The following STIM1 variants were observed in gnomAD, a reference collection of about 807,000 sequenced individuals.
STIM1 encodes stromal interaction molecule 1.
Under a neutral mutation model 74.7 loss-of-function variants are expected in STIM1, and 25 were observed. The ratio of observed to expected loss-of-function variants is 0.33; its 90% CI spans 0.24 to 0.47. The LOEUF (loss-of-function observed/expected upper bound fraction) is 0.47, where lower values mean the gene tolerates loss of function less well. Among genes scored for constraint, STIM1 ranks in the 20% least tolerant of loss-of-function variants. The pLI, the probability that STIM1 is intolerant of heterozygous loss-of-function variation, is 1.00. For missense variants in STIM1, 728 were observed against 920.8 expected (o/e 0.79, Z 2.71); for synonymous variants, 328 against 348.8 (o/e 0.94, Z 0.66).
intron 1 of STIM1, among the ~76,000 whole-genome samples, chr11:3,945,610 T>A (rs565984050): frequency 3.1e-4 from 47 of 152,008 alleles, no homozygotes; most frequent in African/African-American, 1.1e-3. Flanking sequence ...AAAAAAATAA[T>A]GTTGTGTATT....
intron 1 of STIM1, among the ~76,000 whole-genome samples, chr11:3,962,483 A>G (rs2093297897): frequency 6.6e-6 from 1 of 151,908 alleles, no homozygotes; most frequent in Admixed American, 6.6e-5. Context: ...GTGTATAAAA[A>G]TAATATTTTC....
At chr11:3,893,009 A>G (rs2091945780) in intron 1 of STIM1, 2 of 634,030 alleles carry the variant, frequency 3.2e-6, no homozygotes, top group African/African-American at 1.8e-5. Context: ...AGCTCAAGCA[A>G]TCCACCCACT....
rs566717110 is a variant in STIM1 at position 3,876,833 on chromosome 11, C to T, written c.139+20424C>T. Among the ~76,000 whole-genome samples the T allele has an allele frequency of 2.0e-4, 30 of 152,300 alleles. No individual in the cohort carries two copies. The South Asian group carries it at 5.0e-3, about 25-fold the overall frequency. On this transcript the variant is annotated intron_variant, in intron 1 of 12. Transcript: ENST00000526596. ...ATGAAAACCCCATAAAGATAGGGTT[C>T]TTGTCTGTCTCATGCACTGTTATGT...
chr11:3,878,389 A>G (rs2091375627), intron 1 of STIM1, among the ~76,000 whole-genome samples: 1 of 152,214 alleles, frequency 6.6e-6, no homozygotes, highest in Admixed American at 6.5e-5. Context: ...CAACTTACCC[A>G]AGGTCACAAA....
At chr11:3,913,216 G>A (rs957722916) in intron 1 of STIM1, among the ~76,000 whole-genome samples, 5 of 151,894 alleles carry the variant, frequency 3.3e-5, no homozygotes, top group African/African-American at 1.2e-4. Flanking sequence ...TTAGGACAGG[G>A]TCTTGCTGTC....
chr11:4,047,033 GT>G (rs1427864827), intron 3 of STIM1, among the ~76,000 whole-genome samples: 1 of 152,148 alleles, frequency 6.6e-6, no homozygotes, highest in Non-Finnish European at 1.5e-5. Context: ...TTTTGTTGTT[GT>G]TGTTTTGAGG....
intron 2 of STIM1, among the ~76,000 whole-genome samples, chr11:4,005,694 C>G (rs1324800486): frequency 6.6e-6 from 1 of 152,002 alleles, no homozygotes; most frequent in Non-Finnish European, 1.5e-5. Flanking sequence ...CTAACCGGCA[C>G]ATTGTGCACA....
chr11:3,966,256 G>C (rs1365131999), intron 1 of STIM1, among the ~76,000 whole-genome samples: 1 of 152,134 alleles, frequency 6.6e-6, no homozygotes, highest in Non-Finnish European at 1.5e-5. Context: ...ACATTGGTGA[G>C]CTTCAATGTT....
intron 2 of STIM1, chr11:4,019,258 G>A (rs1177634535): frequency 6.6e-6 from 1 of 152,152 alleles, no homozygotes; most frequent in Non-Finnish European, 1.5e-5. Context: ...ATGACAAATT[G>A]TGAATACCAC....
intron 2 of STIM1, among the ~76,000 whole-genome samples, chr11:3,978,809 G>A (rs2135788399): frequency 6.6e-6 from 1 of 152,118 alleles, no homozygotes; most frequent in East Asian, 1.9e-4. Context: ...TGTTTTCTAT[G>A]TTTTTCATTG....
chr11:3,891,831 G>A (rs1351513501), intron 1 of STIM1, among the ~76,000 whole-genome samples: 1 of 152,190 alleles, frequency 6.6e-6, no homozygotes, highest in African/African-American at 2.4e-5. Flanking sequence ...CATTTTCTGT[G>A]GAGGGCCAGA....
intron 1 of STIM1, among the ~76,000 whole-genome samples, chr11:3,910,090 A>G (rs2092536833): frequency 1.3e-5 from 2 of 152,184 alleles, no homozygotes; most frequent in African/African-American, 2.4e-5. Context: ...TTAGGGCAAG[A>G]TGTTTAGGAG....
intron 2 of STIM1, among the ~76,000 whole-genome samples, chr11:3,969,479 C>G (rs1433598858): frequency 1.3e-5 from 2 of 152,122 alleles, no homozygotes; most frequent in African/African-American, 4.8e-5. Flanking sequence ...AAGACCCTGT[C>G]TCTAAAACAA....
At chr11:3,891,427 C>T (rs1252076831) in intron 1 of STIM1, among the ~76,000 whole-genome samples, 1 of 151,934 alleles carries the variant, frequency 6.6e-6, no homozygotes. Flanking sequence ...GTAACTGGGA[C>T]TACTACAGGC....
intron 1 of STIM1, among the ~76,000 whole-genome samples, chr11:3,962,256 G>A (rs1157871670): frequency 2.6e-5 from 4 of 152,004 alleles, no homozygotes; most frequent in Non-Finnish European, 5.9e-5. Flanking sequence ...GCAACTTTTC[G>A]AAGTCTCCAC....
At chr11:3,959,363 A>G (rs771073948) in intron 1 of STIM1, among the ~76,000 whole-genome samples, 1 of 152,164 alleles carries the variant, frequency 6.6e-6, no homozygotes, top group Non-Finnish European at 1.5e-5. Context: ...GGTGGTGGGA[A>G]TTGGTGGGTT....
chr11:4,053,801 G>A (rs1199694041), intron 3 of STIM1, among the ~76,000 whole-genome samples: 1 of 152,068 alleles, frequency 6.6e-6, no homozygotes, highest in Admixed American at 6.5e-5. Context: ...TAGAGACAGG[G>A]TCTCACTGTA....
chr11:4,034,534 A>G (rs2094082848), intron 3 of STIM1, among the ~76,000 whole-genome samples: 1 of 152,088 alleles, frequency 6.6e-6, no homozygotes, highest in Non-Finnish European at 1.5e-5. Context: ...GATTTGCTAA[A>G]ATTTTGTTTT....
At chr11:3,940,252 G>A (rs532557532) in intron 1 of STIM1, among the ~76,000 whole-genome samples, 8 of 152,316 alleles carry the variant, frequency 5.3e-5, no homozygotes, top group South Asian at 4.1e-4. Flanking sequence ...AGAGGAAGCC[G>A]TTGGTGTGAG....
Sources: allele counts gnomAD v4.1 joint callset (sites outside exome capture counted in the v4.1 genomes callset), GRCh38; gene constraint gnomAD v4.1.1; transcripts MANE v1.5; gene names NCBI Gene and HGNC (gene_info 2026-07-23, HGNC 2026-07-21).